Variants in RBMS3 observed in about 807,000 individuals in gnomAD.
RBMS3 encodes the protein RNA-binding motif, single-stranded-interacting protein 3.
RBMS3 carries 27 observed loss-of-function variants against 66.8 expected under a neutral mutation model. That is an observed-to-expected ratio of 0.40 (90% CI 0.30 to 0.56). The LOEUF is 0.56. Ranked by LOEUF, RBMS3 falls within the 20% of genes least tolerant of loss-of-function variation. RBMS3 has a pLI of 0.40. For synonymous variants in RBMS3, 188 were observed against 183.0 expected (o/e 1.03, Z -0.22); for missense variants, 513 against 549.5 (o/e 0.93, Z 0.66).
intron 14 of RBMS3, among the ~76,000 whole-genome samples, chr3:29,997,161 A>C (rs971743652): frequency 6.6e-6 from 1 of 152,056 alleles, no homozygotes; most frequent in South Asian, 2.1e-4. Flanking sequence ...TAAACTAGAA[A>C]ATCTAGAAGA....
chr3:29,814,150 A>G (rs375640749), intron 6 of RBMS3, among the ~76,000 whole-genome samples: 17,633 of 150,084 alleles, frequency 0.12, 1,679 homozygotes, highest in African/African-American at 0.27. Flanking sequence ...TTTGAGATAC[A>G]TCCCATCAAT....
intron 1 of RBMS3, among the ~76,000 whole-genome samples, chr3:29,391,577 AC>A (rs1260544426): frequency 6.6e-6 from 1 of 152,188 alleles, no homozygotes; most frequent in Non-Finnish European, 1.5e-5. Flanking sequence ...TTATTAATAC[AC>A]TCTTAGCTAT....
intron 3 of RBMS3, among the ~76,000 whole-genome samples, chr3:29,583,228 A>G (rs1483594423): frequency 6.6e-6 from 1 of 152,092 alleles, no homozygotes; most frequent in Non-Finnish European, 1.5e-5. Context: ...CTGGAGGTCA[A>G]CATCTTGATT....
intron 2 of RBMS3, among the ~76,000 whole-genome samples, chr3:29,438,034 C>CTA (rs970721266): frequency 1.4e-5 from 2 of 147,410 alleles, no homozygotes; most frequent in African/African-American, 2.6e-5. Context: ...TTGTTTCTCT[C>CTA]TCTCTCTCTC....
At chr3:29,723,911 T>C (rs1473805118) in intron 4 of RBMS3, among the ~76,000 whole-genome samples, 1 of 152,120 alleles carries the variant, frequency 6.6e-6, no homozygotes, top group Non-Finnish European at 1.5e-5. Context: ...ATTTATTTTA[T>C]ACTGTAAATA....
rs371440695 is a variant in RBMS3, at chr3:29,379,555, A to G, written c.76-55188A>G. Among the ~76,000 whole-genome samples, 59 of 152,202 alleles carry G rather than the reference A, an allele frequency of 3.9e-4. No individual in the cohort carries two copies. In the South Asian group the frequency reaches 8.9e-3, roughly 23 times the overall value. On this transcript the variant is annotated intron_variant, in intron 1 of 14. Coordinates refer to ENST00000383767, the MANE Select transcript of RBMS3 (RefSeq NM_001003793.3). ...GTCTCACATGGCGGCAGTGCAGGGA[A>G]ACTCCTCTTTTTAAAACTATCAGAT...
At chr3:29,617,224 T>A (rs1413549454) in intron 4 of RBMS3, among the ~76,000 whole-genome samples, 1 of 152,226 alleles carries the variant, frequency 6.6e-6, no homozygotes, top group African/African-American at 2.4e-5. Context: ...CAGGTTTTAA[T>A]ACCAGCTCCA....
chr3:29,281,475 C>CTTTTT lies in RBMS3; in HGVS notation c.-200_-196dup. Reference sequence around the variant, plus strand: ...TTTTCTACAGATCTCACTCCTCGCCCTTTTTTTTTTTCCTTTGGTGTGTGT... The same window carrying CTTTTT: ...TTTTCTACAGATCTCACTCCTCGCCCTTTTTTTTTTTTTTTTCCTTTGGTGTGTGT... On this transcript the variant is annotated 5_prime_UTR_variant, in exon 1 of 15. Coordinates refer to ENST00000383767, the MANE Select transcript of RBMS3 (RefSeq NM_001003793.3). 1 of 464,740 alleles carries CTTTTT rather than the reference C, an allele frequency of 2.2e-6. No individual in the cohort carries two copies. Among genetic ancestry groups the CTTTTT allele is most frequent in the South Asian group, 3.0e-5 (1 of 32,988 alleles). The allele number at this position is 464,740 out of a possible 1,614,324, so 28.8% of individuals were successfully genotyped here. A position where few individuals can be genotyped will look rare whatever the true frequency, so the allele number is the denominator to read the frequency against.
At chr3:29,410,996 A>G (rs1490946965) in intron 1 of RBMS3, among the ~76,000 whole-genome samples, 1 of 151,520 alleles carries the variant, frequency 6.6e-6, no homozygotes. Context: ...ACACAACTAC[A>G]TGTAAGCAAT....
intron 5 of RBMS3, among the ~76,000 whole-genome samples, chr3:29,749,093 G>C (rs1254241195): frequency 6.6e-6 from 1 of 152,054 alleles, no homozygotes; most frequent in Non-Finnish European, 1.5e-5. Context: ...TTGCAAGTAA[G>C]GATTACCATT....
At chr3:29,702,488 C>G (rs1000754903) in intron 4 of RBMS3, among the ~76,000 whole-genome samples, 1 of 152,206 alleles carries the variant, frequency 6.6e-6, no homozygotes, top group East Asian at 1.9e-4. Context: ...CGCCGGGGTC[C>G]TCTTTCACTC....
At chr3:29,621,093 T>C (rs1250406173) in intron 4 of RBMS3, among the ~76,000 whole-genome samples, 2 of 152,146 alleles carry the variant, frequency 1.3e-5, no homozygotes, top group East Asian at 3.9e-4. Context: ...CATGTCAGAA[T>C]TAAACCAATA....
At chr3:29,776,244 A>G (rs2056422499) in intron 6 of RBMS3, among the ~76,000 whole-genome samples, 1 of 152,008 alleles carries the variant, frequency 6.6e-6, no homozygotes, top group Admixed American at 6.6e-5. Context: ...TAATTTCTGG[A>G]AGAACATATG....
At chr3:29,995,345 A>T (rs1302612858) in intron 14 of RBMS3, among the ~76,000 whole-genome samples, 1 of 152,238 alleles carries the variant, frequency 6.6e-6, no homozygotes, top group Non-Finnish European at 1.5e-5. Flanking sequence ...ACTCTGCAGG[A>T]TATTATCCAG....
At chr3:29,944,308 G>A in intron 12 of RBMS3, 54 bp downstream of exon 12, 1 of 1,472,626 alleles carries the variant, frequency 6.8e-7, no homozygotes, top group Non-Finnish European at 9.5e-7. Context: ...GATGGAGGTT[G>A]CCTGGTTTTT....
intron 3 of RBMS3, among the ~76,000 whole-genome samples, chr3:29,503,449 A>G (rs1375159623): frequency 3.3e-5 from 5 of 151,950 alleles, no homozygotes; most frequent in Admixed American, 2.6e-4. Flanking sequence ...TACTCACTCT[A>G]GATTCCCCTG....
intron 1 of RBMS3, among the ~76,000 whole-genome samples, chr3:29,421,112 C>T (rs1208003614): frequency 6.9e-6 from 1 of 144,398 alleles, no homozygotes; most frequent in Non-Finnish European, 1.5e-5. Context: ...GAGTCTGTCC[C>T]TAAAGAAAAA....
intron 4 of RBMS3, among the ~76,000 whole-genome samples, chr3:29,631,460 G>A (rs13315866): frequency 0.079 from 11,938 of 151,642 alleles, 817 homozygotes; most frequent in East Asian, 0.36. Flanking sequence ...AGGAAATAAG[G>A]CGTTCAAATT....
intron 6 of RBMS3, among the ~76,000 whole-genome samples, chr3:29,856,328 A>T (rs1290227696): frequency 6.6e-6 from 1 of 152,172 alleles, no homozygotes; most frequent in Non-Finnish European, 1.5e-5. Context: ...ATTTTATGAA[A>T]GTGATTAAGC....
Sources: gnomAD v4.1 joint callset for allele counts (sites outside exome capture counted in the v4.1 genomes callset) on GRCh38, gnomAD v4.1.1 for gene constraint, MANE v1.5 for transcripts, NCBI Gene and HGNC (gene_info 2026-07-23, HGNC 2026-07-21) for gene names.